The following PTPRD variants were observed in gnomAD, a reference collection of about 807,000 sequenced individuals.
PTPRD encodes receptor-type tyrosine-protein phosphatase delta.
In PTPRD, 34 loss-of-function variants were observed where a neutral mutation model predicts 214.5. The ratio of observed to expected loss-of-function variants is 0.16; its 90% CI spans 0.12 to 0.21. PTPRD has a LOEUF of 0.21. PTPRD is among the 10% of genes least tolerant of loss of function. The pLI is 1.00. For synonymous variants in PTPRD, 1,128 were observed against 845.7 expected (o/e 1.33, Z -5.79); for missense variants, 2,545 against 2,398.7 (o/e 1.06, Z -1.27).
At chr9:9,514,576 G>C (rs1360824454) in intron 8 of PTPRD, among the ~76,000 whole-genome samples, 1 of 152,072 alleles carries the variant, frequency 6.6e-6, no homozygotes, top group Non-Finnish European at 1.5e-5. Flanking sequence ...AAATTGCTAA[G>C]TCCCATTAAC....
chr9:8,497,890 C>A, intron 25 of PTPRD, among the ~76,000 whole-genome samples: 1 of 152,170 alleles, frequency 6.6e-6, no homozygotes, highest in Non-Finnish European at 1.5e-5. Context: ...TGTAAAATAT[C>A]TAAGAACCAA....
chr9:9,409,844 G>T (rs1193404358), intron 8 of PTPRD, among the ~76,000 whole-genome samples: 3 of 151,854 alleles, frequency 2.0e-5, no homozygotes, highest in African/African-American at 4.8e-5. Flanking sequence ...AATGTCTAAG[G>T]TTTCTAATAT....
chr9:9,748,888 T>A (rs2098485052), intron 6 of PTPRD, among the ~76,000 whole-genome samples: 2 of 152,304 alleles, frequency 1.3e-5, no homozygotes, highest in South Asian at 4.1e-4. Context: ...ATTGTCTGCA[T>A]ACTGATATTC....
chr9:10,209,082 G>T (rs2099501330), intron 3 of PTPRD, among the ~76,000 whole-genome samples: 1 of 152,108 alleles, frequency 6.6e-6, no homozygotes, highest in Non-Finnish European at 1.5e-5. Context: ...GCTGCAGTTC[G>T]TGATTTTTTT....
chr9:8,823,334 T>G (rs774268885), intron 11 of PTPRD, among the ~76,000 whole-genome samples: 1 of 152,198 alleles, frequency 6.6e-6, no homozygotes, highest in Non-Finnish European at 1.5e-5. Flanking sequence ...CACAAACTTT[T>G]AACTCAACAG....
rs560120663 is a variant in PTPRD, at chr9:8,507,670, G to C, written c.1544-236C>G. ...ACACAAGATATAGTAGAACTAATAA[G>C]TATAAAGTATATCGGCCTCTGAATT... On this transcript the variant is annotated intron_variant, in intron 21 of 45. Transcript: ENST00000381196. Among the ~76,000 whole-genome samples, 13 of 152,276 alleles carry C rather than the reference G, an allele frequency of 8.5e-5. No homozygotes were observed. In the East Asian group the frequency reaches 2.5e-3, roughly 29 times the overall value.
In PTPRD at chr9:9,369,417, G is replaced by A. The variant is rs570692447; in HGVS notation, c.-203+28032C>T. On this transcript the variant is annotated intron_variant, in intron 9 of 45. Coordinates refer to ENST00000381196, the MANE Select transcript of PTPRD (RefSeq NM_002839.4). ...CTGCATAAATGTCTTCTTTTGAGAA[G>A]TGTCTGTTCATATCCTTTGCCCACT... is the stretch of plus-strand genomic sequence containing the variant. Among the ~76,000 whole-genome samples, 13 of 152,234 alleles carry A rather than the reference G, an allele frequency of 8.5e-5. No individual in the cohort carries two copies. In the South Asian group the frequency reaches 2.7e-3, roughly 32 times the overall value.
At chr9:8,327,311 T>G (rs774089629) in intron 44 of PTPRD, among the ~76,000 whole-genome samples, 8,987 of 150,978 alleles carry the variant, frequency 0.06, 314 homozygotes, top group Middle Eastern at 0.19. Flanking sequence ...AGGAGCAGGT[T>G]GTTCAGCTTC....
chr9:8,483,390 T>G lies in PTPRD; in HGVS notation c.3413+729A>C, dbSNP rs2096928960. On this transcript the variant is annotated intron_variant, in intron 30 of 45. Coordinates refer to ENST00000381196, the MANE Select transcript of PTPRD (RefSeq NM_002839.4). ...GTACTTTGTAAGACTTCTTCATAAT[T>G]ACAAAAATATTTTGCCAAATATTAG... 1.3e-5 allele frequency among the ~76,000 whole-genome samples: 2 copies of G among 152,222 alleles called. 1 individual carries two copies. The highest frequency in any genetic ancestry group is 4.1e-4 in the South Asian group (2 of 4,834).
intron 45 of PTPRD, among the ~76,000 whole-genome samples, chr9:8,318,546 G>C (rs1249349212): frequency 6.6e-6 from 1 of 152,000 alleles, no homozygotes; most frequent in Non-Finnish European, 1.5e-5. Flanking sequence ...TTCATATACA[G>C]CCAGAAGGTA....
chr9:10,002,762 C>T (rs1339003743), intron 4 of PTPRD, among the ~76,000 whole-genome samples: 2 of 149,312 alleles, frequency 1.3e-5, no homozygotes, highest in Non-Finnish European at 3.0e-5. Flanking sequence ...ACTTCACTTT[C>T]AATAATAGAT....
At chr9:10,544,351 C>G (rs1251763588) in intron 2 of PTPRD, among the ~76,000 whole-genome samples, 1 of 152,018 alleles carries the variant, frequency 6.6e-6, no homozygotes, top group Non-Finnish European at 1.5e-5. Flanking sequence ...ACCATTTTAA[C>G]AGAAACAAAA....
At chr9:8,703,767 T>G (rs150916407) in intron 12 of PTPRD, among the ~76,000 whole-genome samples, 2 of 152,152 alleles carry the variant, frequency 1.3e-5, no homozygotes, top group Non-Finnish European at 2.9e-5. Flanking sequence ...CAAGAGAATA[T>G]CCCCAGCCCA....
At chr9:8,904,667 T>TAA (rs5896276) in intron 11 of PTPRD, among the ~76,000 whole-genome samples, 124 of 128,930 alleles carry the variant, frequency 9.6e-4, no homozygotes, top group East Asian at 1.5e-3. Flanking sequence ...GGGAGACTCT[T>TAA]AAAAAAAAAA....
At chr9:9,151,307 T>C (rs930397577) in intron 10 of PTPRD, among the ~76,000 whole-genome samples, 1 of 152,174 alleles carries the variant, frequency 6.6e-6, no homozygotes. Context: ...AGCAATGATA[T>C]TGCACATCCT....
intron 7 of PTPRD, among the ~76,000 whole-genome samples, chr9:9,672,398 G>A (rs2096849099): frequency 6.6e-6 from 1 of 152,090 alleles, no homozygotes; most frequent in Admixed American, 6.6e-5. Context: ...TGTGCCTGCT[G>A]CTGTTTTGAG....
intron 11 of PTPRD, among the ~76,000 whole-genome samples, chr9:8,888,344 G>T (rs2098509037): frequency 6.6e-6 from 1 of 152,094 alleles, no homozygotes; most frequent in African/African-American, 2.4e-5. Flanking sequence ...ATAATTGGGT[G>T]ATATAATCTG....
intron 11 of PTPRD, among the ~76,000 whole-genome samples, chr9:8,882,235 C>T (rs757718870): frequency 3.3e-5 from 5 of 152,090 alleles, no homozygotes; most frequent in African/African-American, 9.7e-5. Flanking sequence ...TTCATTTCTC[C>T]TGGATTAGAT....
At chr9:8,907,895 T>C (rs12552247) in intron 11 of PTPRD, among the ~76,000 whole-genome samples, 28,475 of 151,796 alleles carry the variant, frequency 0.19, 3,239 homozygotes, top group East Asian at 0.29. Flanking sequence ...ATTGAAGAAG[T>C]AATAGCTGAA....
Sources: allele counts gnomAD v4.1 joint callset (sites outside exome capture counted in the v4.1 genomes callset), GRCh38; gene constraint gnomAD v4.1.1; transcripts MANE v1.5; gene names NCBI Gene and HGNC (gene_info 2026-07-23, HGNC 2026-07-21).